Variants in DOCK10 observed in about 807,000 individuals in gnomAD.
The protein encoded by DOCK10 is dedicator of cytokinesis protein 10.
A neutral mutation model predicts 280.1 loss-of-function variants in DOCK10; 145 were observed. The ratio of observed to expected loss-of-function variants is 0.52; its 90% CI spans 0.45 to 0.59. The LOEUF is 0.59. Among genes scored for constraint, DOCK10 ranks in the 20% least tolerant of loss-of-function variants. The pLI is 0.00. For synonymous variants in DOCK10, 915 were observed against 942.2 expected (o/e 0.97, Z 0.53); for missense variants, 2,368 against 2,651.7 (o/e 0.89, Z 2.35).
chr2:224,845,391 CTATT>C (rs1696271095), intron 20 of DOCK10, 67 bp from the exon 21 acceptor site: 1 of 1,532,890 alleles, frequency 6.5e-7, no homozygotes, highest in South Asian at 1.2e-5. Flanking sequence ...CACAATAATG[CTATT>C]TATTATTTAC....
At chr2:224,803,896 C>G (rs1375675615) in intron 39 of DOCK10, among the ~76,000 whole-genome samples, 4 of 152,154 alleles carry the variant, frequency 2.6e-5, no homozygotes, top group Non-Finnish European at 5.9e-5. Flanking sequence ...TCTCTTTGGT[C>G]TCTACCAGCT....
At chr2:224,846,746 C>T (rs143989323) in intron 19 of DOCK10, among the ~76,000 whole-genome samples, 2,589 of 152,190 alleles carry the variant, frequency 0.017, 33 homozygotes, top group Non-Finnish European at 0.027. Context: ...CCACCCGTCT[C>T]GGCCTCCCGA....
intron 1 of DOCK10, among the ~76,000 whole-genome samples, chr2:224,969,918 G>A (rs370925159): frequency 9.9e-5 from 15 of 152,236 alleles, no homozygotes; most frequent in African/African-American, 3.6e-4. Flanking sequence ...TTCCCTGCTC[G>A]AGGAGCCTCT....
intron 46 of DOCK10, 63 bp from the exon 47 acceptor site, chr2:224,793,135 G>C (rs1329509082): frequency 8.0e-7 from 1 of 1,248,346 alleles, no homozygotes; most frequent in African/African-American, 1.5e-5. Context: ...AAGCTTTAGA[G>C]ACTACAAATC....
chr2:224,892,844 C>T (rs986803380), intron 4 of DOCK10, among the ~76,000 whole-genome samples: 1 of 152,240 alleles, frequency 6.6e-6, no homozygotes, highest in Admixed American at 6.5e-5. Flanking sequence ...CAAGGCACAG[C>T]CTCCTGCCTT....
rs529971935 is a variant in DOCK10 at position 224,869,360 on chromosome 2, A to T, written c.1258-4273T>A. 3.9e-5 allele frequency among the ~76,000 whole-genome samples: 6 copies of T among 152,318 alleles called. No individual in the cohort carries two copies. In the East Asian group the frequency reaches 1.2e-3, roughly 29 times the overall value. ...TATTTCAGGGAGTCTTCAGAATCTC[A>T]TTCATTAAATGCAGTAGTTGGCTCC... On this transcript the variant is annotated intron_variant, in intron 11 of 55. Coordinates refer to ENST00000258390, the MANE Select transcript of DOCK10 (RefSeq NM_014689.3).
chr2:224,991,564 G>A (rs1706127295), intron 1 of DOCK10, among the ~76,000 whole-genome samples: 1 of 151,582 alleles, frequency 6.6e-6, no homozygotes, highest in Non-Finnish European at 1.5e-5. Flanking sequence ...AAAGTCATGC[G>A]GAAACAGTAA....
rs34574873 is a variant in DOCK10, at chr2:225,040,513, C to CGTGTGT, written c.123+1733_123+1738dup. 3.2e-3 allele frequency among the ~76,000 whole-genome samples: 465 copies of CGTGTGT among 147,472 alleles called. 1 individual carries two copies. Among genetic ancestry groups the CGTGTGT allele is most frequent in the African/African-American group, 4.4e-3 (176 of 39,984 alleles). ...TGACATAATTTTGGAGAAAGCAGTGCGTGTGTGTGTGTGTGTGTGTGTGTG... is the reference window on the plus strand; with the variant it reads ...TGACATAATTTTGGAGAAAGCAGTGCGTGTGTGTGTGTGTGTGTGTGTGTGTGTGTG... On this transcript the variant is annotated intron_variant, in intron 1 of 55. Coordinates refer to ENST00000258390, the MANE Select transcript of DOCK10 (RefSeq NM_014689.3).
intron 1 of DOCK10, among the ~76,000 whole-genome samples, chr2:225,036,979 G>A (rs1690278945): frequency 6.7e-6 from 1 of 149,296 alleles, no homozygotes; most frequent in South Asian, 2.1e-4. Flanking sequence ...ATGCATCTTT[G>A]TAAGATACTT....
chr2:224,840,304 G>T, intron 23 of DOCK10: 1 of 345,598 alleles, frequency 2.9e-6, no homozygotes, highest in Non-Finnish European at 5.3e-6. Flanking sequence ...AACACTCAAT[G>T]GAGTAAAGAG....
intron 45 of DOCK10, among the ~76,000 whole-genome samples, 177 bp downstream of exon 45, chr2:224,794,702 C>T (rs535452688): frequency 9.2e-5 from 14 of 152,240 alleles, no homozygotes; most frequent in Middle Eastern, 6.8e-3. Context: ...ATTTACTTAG[C>T]GTTAGGTATC....
Position 224,765,371 on chromosome 2 carries a change from A to G in DOCK10, c.*350T>C, listed in dbSNP as rs559484190. On this transcript the variant is annotated 3_prime_UTR_variant, in exon 56 of 56. Coordinates refer to ENST00000258390, the MANE Select transcript of DOCK10 (RefSeq NM_014689.3). ...ACAATCTTTTATTTACATCTGAAAT[A>G]TGCTTAAATGTTACAAAAACATTCA... 6.0e-5 allele frequency: 10 copies of G among 167,428 alleles called. No individual in the cohort carries two copies. Among genetic ancestry groups the G allele is most frequent in the Non-Finnish European group, 1.2e-4 (9 of 78,062 alleles). The allele number at this position is 167,428 out of a possible 1,614,324, so 10.4% of individuals were successfully genotyped here.
intron 11 of DOCK10, among the ~76,000 whole-genome samples, chr2:224,868,878 T>G (rs1012655726): frequency 6.6e-6 from 1 of 152,090 alleles, no homozygotes; most frequent in Non-Finnish European, 1.5e-5. Flanking sequence ...TCAAAACACA[T>G]TGAAGGTCAA....
chr2:224,905,631 T>G (rs1700577245), intron 3 of DOCK10, among the ~76,000 whole-genome samples: 1 of 152,206 alleles, frequency 6.6e-6, no homozygotes, highest in Non-Finnish European at 1.5e-5. Flanking sequence ...ATTCCTGAAG[T>G]GGGTTTATGC....
rs754376204 is a variant in DOCK10, at chr2:224,839,945, T to G, written c.2780+9A>C. The G allele has an allele frequency of 3.0e-6, 4 of 1,332,662 alleles. No homozygotes were observed. Among genetic ancestry groups the G allele is most frequent in the Non-Finnish European group, 4.2e-6 (4 of 954,834 alleles). The allele number at this position is 1,332,662 out of a possible 1,614,324, so 82.6% of individuals were successfully genotyped here. ...AAAGTCTCTCCTCTTAAGGTTGTGT[T>G]ATGGATACCTGGTGACAGTTGTAGT... On this transcript the variant is annotated intron_variant, in intron 24 of 55. Coordinates refer to ENST00000258390, the MANE Select transcript of DOCK10 (RefSeq NM_014689.3).
intron 1 of DOCK10, among the ~76,000 whole-genome samples, chr2:224,991,813 C>T (rs1018897152): frequency 2.0e-5 from 3 of 152,146 alleles, no homozygotes; most frequent in Non-Finnish European, 2.9e-5. Context: ...AATCCCCGTT[C>T]GGGGCGGTAA....
intron 42 of DOCK10, 61 bp from the exon 43 acceptor site, chr2:224,797,207 T>C (rs919273319): frequency 7.8e-7 from 1 of 1,276,556 alleles, no homozygotes; most frequent in African/African-American, 1.5e-5. Flanking sequence ...CTGTTCATTC[T>C]CATATTTTAA....
At chr2:225,008,991 A>G (rs1689355107) in intron 1 of DOCK10, among the ~76,000 whole-genome samples, 1 of 152,210 alleles carries the variant, frequency 6.6e-6, no homozygotes, top group South Asian at 2.1e-4. Flanking sequence ...TTATCATGTT[A>G]AGATGAAGGC....
At chr2:224,861,664 CTCTT>C (rs771486498) in intron 14 of DOCK10, 1 of 152,226 alleles carries the variant, frequency 6.6e-6, no homozygotes, top group East Asian at 1.9e-4. Flanking sequence ...AACAGGTTCT[CTCTT>C]CCTTCTGGAT....
Sources: gnomAD v4.1 joint callset for allele counts (sites outside exome capture counted in the v4.1 genomes callset) on GRCh38, gnomAD v4.1.1 for gene constraint, MANE v1.5 for transcripts, NCBI Gene and HGNC (gene_info 2026-07-23, HGNC 2026-07-21) for gene names.